Variants in STK3 observed in about 807,000 individuals in gnomAD.
STK3 encodes the protein serine/threonine-protein kinase 3.
STK3 carries 41 observed loss-of-function variants against 58.0 expected under a neutral mutation model. The ratio of observed to expected loss-of-function variants is 0.71; its 90% CI spans 0.55 to 0.92. STK3 has a LOEUF of 0.92. Ranked by LOEUF, STK3 falls within the 40% of genes least tolerant of loss-of-function variation. STK3 has a pLI of 0.00. For synonymous variants in STK3, 170 were observed against 191.0 expected, an observed-to-expected ratio of 0.89 and a Z score of 0.91; for missense variants, 479 against 602.7, an observed-to-expected ratio of 0.79 and a Z score of 2.15.
chr8:98,818,692 A>G (rs1209251884), intron 1 of STK3, among the ~76,000 whole-genome samples: 1 of 152,162 alleles, frequency 6.6e-6, no homozygotes, highest in Non-Finnish European at 1.5e-5. Flanking sequence ...TAAACTAATT[A>G]TCATTAATGT....
chr8:98,696,798 G>C (rs1273931538), intron 6 of STK3, among the ~76,000 whole-genome samples: 1 of 151,812 alleles, frequency 6.6e-6, no homozygotes. Context: ...TGTTCATCAA[G>C]GATATTGGTC....
At chr8:98,778,468 G>A (rs1443242104) in intron 1 of STK3, among the ~76,000 whole-genome samples, 2 of 152,154 alleles carry the variant, frequency 1.3e-5, no homozygotes, top group Admixed American at 6.5e-5. Flanking sequence ...GGAAGACAGT[G>A]TGGCGATTCC....
At chr8:98,934,711 T>G (rs1291843174) in intron 1 of STK3, among the ~76,000 whole-genome samples, 2 of 151,846 alleles carry the variant, frequency 1.3e-5, no homozygotes, top group African/African-American at 2.4e-5. Flanking sequence ...AGGTCAGGAG[T>G]TCGAGACCAG....
intron 1 of STK3, among the ~76,000 whole-genome samples, chr8:98,924,008 C>G (rs1402491428): frequency 4.6e-5 from 7 of 152,180 alleles, no homozygotes; most frequent in Middle Eastern, 3.4e-3. Flanking sequence ...AAAGAAAAAC[C>G]ATAGCACTAA....
At chr8:98,671,985 C>T (rs1012456461) in intron 6 of STK3, among the ~76,000 whole-genome samples, 3 of 152,180 alleles carry the variant, frequency 2.0e-5, no homozygotes, top group Non-Finnish European at 4.4e-5. Context: ...TCTCCTGCCA[C>T]CCTGTGAAGA....
At chr8:98,492,588 T>C (rs755328762) in intron 10 of STK3, among the ~76,000 whole-genome samples, 2 of 152,282 alleles carry the variant, frequency 1.3e-5, no homozygotes, top group South Asian at 2.1e-4. Flanking sequence ...GTATTAAAAA[T>C]AGTGTTTTGT....
intron 10 of STK3, among the ~76,000 whole-genome samples, chr8:98,499,838 T>C (rs1187430343): frequency 6.6e-6 from 1 of 152,176 alleles, no homozygotes; most frequent in Admixed American, 6.6e-5. Flanking sequence ...ACTTTTGAGC[T>C]GATTATATTT....
chr8:98,424,855 G>A (rs938303087), intron 3 of STK3, among the ~76,000 whole-genome samples: 1 of 152,232 alleles, frequency 6.6e-6, no homozygotes, highest in African/African-American at 2.4e-5. Context: ...ATGGCGACAT[G>A]TGGCAGAAGC....
intron 6 of STK3, among the ~76,000 whole-genome samples, chr8:98,621,510 T>C (rs913954957): frequency 5.4e-4 from 82 of 152,322 alleles, no homozygotes; most frequent in African/African-American, 1.8e-3. Flanking sequence ...TCTTTTACCA[T>C]TAATTATGAT....
intron 6 of STK3, among the ~76,000 whole-genome samples, chr8:98,612,981 G>A (rs537170306): frequency 1.3e-5 from 2 of 152,282 alleles, no homozygotes; most frequent in East Asian, 3.9e-4. Flanking sequence ...GCAATGAGGT[G>A]ATCCTCCCAC....
At chr8:98,514,475 T>C (rs924230529) in intron 10 of STK3, among the ~76,000 whole-genome samples, 24 of 151,932 alleles carry the variant, frequency 1.6e-4, no homozygotes, top group Admixed American at 1.3e-3. Context: ...AAAAACTTGA[T>C]AGCTAAAACT....
chr8:98,883,797 C>T, exon 2 of STK3: 1 of 687,412 alleles, frequency 1.5e-6, no homozygotes. Flanking sequence ...ATCTCTCCAT[C>T]CTTTTTCCAA....
At chr8:98,739,022 A>G (rs954719992) in intron 4 of STK3, among the ~76,000 whole-genome samples, 4 of 152,256 alleles carry the variant, frequency 2.6e-5, no homozygotes, top group South Asian at 2.1e-4. Flanking sequence ...ACTGCAAGGC[A>G]GCGGCGAGGC....
At chr8:98,445,960 A>G (rs560043039) in intron 1 of STK3, among the ~76,000 whole-genome samples, 1 of 152,356 alleles carries the variant, frequency 6.6e-6, no homozygotes, top group South Asian at 2.1e-4. Context: ...TTGGGAAAAC[A>G]AAAACAAAAA....
chr8:98,413,856 GGT>G, intron 3 of STK3: 1 of 534,902 alleles, frequency 1.9e-6, no homozygotes, highest in Admixed American at 2.7e-5. Flanking sequence ...AGCCAGTAAT[GGT>G]GTGTCAAGAG....
chr8:98,692,542 T>C (rs938578069), intron 6 of STK3, among the ~76,000 whole-genome samples: 1 of 152,140 alleles, frequency 6.6e-6, no homozygotes, highest in Non-Finnish European at 1.5e-5. Context: ...GGAAGTAGAA[T>C]ACTGGTTGCG....
chr8:98,667,367 GA>G (rs1189686645), intron 6 of STK3, among the ~76,000 whole-genome samples: 2 of 152,084 alleles, frequency 1.3e-5, no homozygotes, highest in African/African-American at 4.8e-5. Context: ...GGAACAAAAT[GA>G]AAACAGGTGT....
chr8:98,874,052 T>G (rs1471353685), intron 3 of STK3, among the ~76,000 whole-genome samples: 1 of 152,212 alleles, frequency 6.6e-6, no homozygotes, highest in Non-Finnish European at 1.5e-5. Context: ...TGACAAAGTC[T>G]CTCAGCATTT....
rs184780199 is a variant in STK3, at chr8:98,588,227, C to T, written c.822+7805G>A. Among the ~76,000 whole-genome samples, 408 of 151,964 alleles carry T rather than the reference C, an allele frequency of 2.7e-3. 1 individual carries two copies. The highest frequency in any genetic ancestry group is 0.014 in the South Asian group (67 of 4,798). On this transcript the variant is annotated intron_variant, in intron 7 of 10. Coordinates refer to ENST00000419617, the MANE Select transcript of STK3 (RefSeq NM_006281.4). ...TTTACACTTTGGCATGATTTTGCAG[C>T]GGCTGGTGCCGGTTGTTCCTTTCCA...
Sources: allele counts gnomAD v4.1 joint callset (sites outside exome capture counted in the v4.1 genomes callset), GRCh38; gene constraint gnomAD v4.1.1; transcripts MANE v1.5; gene names NCBI Gene and HGNC (gene_info 2026-07-23, HGNC 2026-07-21).